Variants in LIN7A observed in about 807,000 individuals in gnomAD.
LIN7A encodes lin-7 cell polarity scaffold A.
A neutral mutation model predicts 29.8 loss-of-function variants in LIN7A; 25 were observed. That is an observed-to-expected ratio of 0.84 (90% CI 0.61 to 1.17). The LOEUF is 1.17. LIN7A is among the 50% of genes most tolerant of loss of function. LIN7A has a pLI of 0.00. For missense variants in LIN7A, 239 were observed against 287.0 expected (o/e 0.83, Z 1.21); for synonymous variants, 118 against 107.5 (o/e 1.10, Z -0.60).
intron 1 of LIN7A, among the ~76,000 whole-genome samples, chr12:80,932,218 A>G (rs17007704): frequency 0.18 from 27,484 of 152,166 alleles, 2,681 homozygotes; most frequent in East Asian, 0.34. Context: ...AAATTCTATG[A>G]CAAGTGTGGC....
intron 5 of LIN7A, among the ~76,000 whole-genome samples, chr12:80,798,757 A>G (rs927180361): frequency 6.6e-6 from 1 of 151,856 alleles, no homozygotes; most frequent in Admixed American, 6.6e-5. Context: ...TCATTTAGCT[A>G]CAAAGTGACC....
intron 1 of LIN7A, among the ~76,000 whole-genome samples, chr12:80,914,426 C>T (rs1043900769): frequency 1.1e-4 from 16 of 152,136 alleles, no homozygotes; most frequent in African/African-American, 1.7e-4. Flanking sequence ...TTATAAAGCA[C>T]GAATCTTCCC....
intron 1 of LIN7A, among the ~76,000 whole-genome samples, chr12:80,891,375 G>A (rs938737978): frequency 3.9e-5 from 6 of 152,066 alleles, no homozygotes; most frequent in East Asian, 1.9e-4. Flanking sequence ...GGCCCTTAAC[G>A]GCCGACTTCT....
intron 2 of LIN7A, among the ~76,000 whole-genome samples, chr12:80,862,491 T>C (rs1185746421): frequency 6.6e-6 from 1 of 152,178 alleles, no homozygotes; most frequent in Non-Finnish European, 1.5e-5. Context: ...TTCATAACAG[T>C]TTTATGAATG....
At chr12:80,824,029 G>A (rs1305432965) in intron 4 of LIN7A, among the ~76,000 whole-genome samples, 2 of 151,988 alleles carry the variant, frequency 1.3e-5, no homozygotes, top group African/African-American at 4.8e-5. Context: ...TAAGATCAGG[G>A]CAGAACTAAA....
chr12:80,918,725 T>C (rs1471326604), intron 1 of LIN7A, among the ~76,000 whole-genome samples: 16 of 152,242 alleles, frequency 1.1e-4, no homozygotes, highest in Non-Finnish European at 5.9e-5. Context: ...GTCTACCATA[T>C]TAGAGACTCA....
intron 1 of LIN7A, among the ~76,000 whole-genome samples, chr12:80,913,512 T>G (rs1326725650): frequency 1.3e-5 from 2 of 152,146 alleles, no homozygotes; most frequent in Admixed American, 6.6e-5. Flanking sequence ...GTGATCTTGA[T>G]GTGTTCGCAA....
chr12:80,812,062 A>G (rs1356068814), intron 4 of LIN7A, among the ~76,000 whole-genome samples: 2 of 152,192 alleles, frequency 1.3e-5, no homozygotes, highest in Non-Finnish European at 2.9e-5. Flanking sequence ...ATCAGATATT[A>G]AAATTTATTA....
At chr12:80,927,845 C>T (rs990481758) in intron 1 of LIN7A, among the ~76,000 whole-genome samples, 5 of 152,162 alleles carry the variant, frequency 3.3e-5, no homozygotes. Context: ...TCTCCTCAAG[C>T]TATCCCTCCC....
chr12:80,832,913 G>A (rs780956408), intron 4 of LIN7A, among the ~76,000 whole-genome samples: 18 of 152,188 alleles, frequency 1.2e-4, no homozygotes, highest in Non-Finnish European at 2.5e-4. Flanking sequence ...TTTTGTTGTG[G>A]TGACTGGATG....
chr12:80,838,058 A>T (rs982608900), intron 4 of LIN7A, among the ~76,000 whole-genome samples: 5 of 152,232 alleles, frequency 3.3e-5, no homozygotes, highest in Non-Finnish European at 5.9e-5. Context: ...TAACTATGAG[A>T]AAGACTGCAC....
chr12:80,852,990 C>A (rs1031008498), intron 2 of LIN7A, among the ~76,000 whole-genome samples: 1 of 152,142 alleles, frequency 6.6e-6, no homozygotes, highest in Non-Finnish European at 1.5e-5. Context: ...GTAGTGGCAA[C>A]CTTCAACTTC....
intron 5 of LIN7A, among the ~76,000 whole-genome samples, chr12:80,807,082 T>TTTTTTTTTTTTTTTTTTTTTTTTG (rs1555221398): frequency 1.5e-5 from 2 of 134,584 alleles, no homozygotes; most frequent in Non-Finnish European, 3.3e-5. Context: ...TTTTTTTTTT[T>TTTTTTTTTTTTTTTTTTTTTTTTG]TTTTTTTTTG....
intron 4 of LIN7A, among the ~76,000 whole-genome samples, chr12:80,839,215 C>A (rs1189787059): frequency 6.6e-6 from 1 of 152,134 alleles, no homozygotes; most frequent in Non-Finnish European, 1.5e-5. Flanking sequence ...TTATTAATGG[C>A]TAAGATATTT....
chr12:80,889,650 T>A (rs929837176), intron 1 of LIN7A, among the ~76,000 whole-genome samples: 1 of 152,072 alleles, frequency 6.6e-6, no homozygotes. Context: ...GTTGGACACA[T>A]GTCTATTATT....
intron 1 of LIN7A, among the ~76,000 whole-genome samples, chr12:80,926,305 A>G (rs1877578434): frequency 6.6e-6 from 1 of 152,210 alleles, no homozygotes. Context: ...GGCATTCAAA[A>G]ATATAATTTT....
intron 4 of LIN7A, among the ~76,000 whole-genome samples, chr12:80,839,248 T>A (rs759538956): frequency 6.6e-6 from 1 of 152,254 alleles, no homozygotes. Flanking sequence ...TTATGATTAA[T>A]AAGGCTAGAC....
chr12:80,821,673 A>G (rs1478934945), intron 4 of LIN7A, among the ~76,000 whole-genome samples: 1 of 152,194 alleles, frequency 6.6e-6, no homozygotes, highest in African/African-American at 2.4e-5. Context: ...TGTGGGCTTT[A>G]GGGAGCCAGT....
intron 1 of LIN7A, among the ~76,000 whole-genome samples, chr12:80,912,217 A>G (rs1000010803): frequency 6.6e-6 from 1 of 152,198 alleles, no homozygotes; most frequent in Non-Finnish European, 1.5e-5. Context: ...ATGCCAAAGA[A>G]GTTTGAAAGC....
Sources: allele counts gnomAD v4.1 joint callset (sites outside exome capture counted in the v4.1 genomes callset), GRCh38; gene constraint gnomAD v4.1.1; transcripts MANE v1.5; gene names NCBI Gene and HGNC (gene_info 2026-07-23, HGNC 2026-07-21).